Variants in DIP2B observed in about 807,000 individuals in gnomAD.
DIP2B encodes DIP2 acetate--CoA ligase B (putative).
A neutral mutation model predicts 198.0 loss-of-function variants in DIP2B; 76 were observed. The observed-to-expected ratio is 0.38, with a 90% CI of 0.32 to 0.46. DIP2B has a LOEUF of 0.46. DIP2B is among the 20% of genes least tolerant of loss of function. DIP2B has a pLI of 0.99. For synonymous variants in DIP2B, 701 were observed against 739.1 expected (o/e 0.95, Z 0.84); for missense variants, 1,559 against 1,978.4 (o/e 0.79, Z 4.02).
chr12:50,744,221 C>G (rs1043829646), intron 37 of DIP2B, among the ~76,000 whole-genome samples: 2 of 152,046 alleles, frequency 1.3e-5, no homozygotes, highest in Admixed American at 1.3e-4. Context: ...AGGCTGGTCT[C>G]GAACTCCTGA....
chr12:50,647,653 T>C (rs1057214784), intron 3 of DIP2B, among the ~76,000 whole-genome samples: 5 of 152,152 alleles, frequency 3.3e-5, no homozygotes, highest in African/African-American at 1.2e-4. Context: ...GCTTTATGAC[T>C]CAACCCACCT....
chr12:50,580,320 C>T (rs1364578040), intron 1 of DIP2B, among the ~76,000 whole-genome samples: 2 of 148,704 alleles, frequency 1.3e-5, no homozygotes, highest in Admixed American at 1.4e-4. Context: ...TAAAGGGCTC[C>T]AGTTTCCTGG....
chr12:50,674,067 CAAG>C (rs1938901857), intron 5 of DIP2B, among the ~76,000 whole-genome samples: 1 of 152,104 alleles, frequency 6.6e-6, no homozygotes, highest in South Asian at 2.1e-4. Context: ...CTATAACAAT[CAAG>C]AAATGTTCGA....
At chr12:50,730,128 G>A (rs1292992603) in intron 30 of DIP2B, among the ~76,000 whole-genome samples, 1 of 152,066 alleles carries the variant, frequency 6.6e-6, no homozygotes, top group Non-Finnish European at 1.5e-5. Flanking sequence ...AGTTTCAGTG[G>A]CTCGTATCAC....
intron 1 of DIP2B, among the ~76,000 whole-genome samples, chr12:50,578,498 T>G (rs941598911): frequency 4.7e-5 from 7 of 149,316 alleles, no homozygotes; most frequent in African/African-American, 1.7e-4. Flanking sequence ...TAAGATGTTA[T>G]TTGCTCTTTT....
chr12:50,698,117 A>C (rs901946102), intron 17 of DIP2B, among the ~76,000 whole-genome samples: 8 of 152,172 alleles, frequency 5.3e-5, no homozygotes, highest in East Asian at 3.9e-4. Context: ...GCTGGTTTTG[A>C]ACTCCTGGCC....
chr12:50,540,932 G>A (rs1013854474), intron 1 of DIP2B, among the ~76,000 whole-genome samples: 1 of 152,132 alleles, frequency 6.6e-6, no homozygotes, highest in African/African-American at 2.4e-5. Flanking sequence ...CTCAAATGAG[G>A]TAGCGCAGAA....
chr12:50,604,930 G>A (rs186973209), intron 1 of DIP2B, among the ~76,000 whole-genome samples: 234 of 152,244 alleles, frequency 1.5e-3, no homozygotes, highest in Non-Finnish European at 2.7e-3. Flanking sequence ...TTCTCCCAAG[G>A]ATAGTACGTA....
At chr12:50,738,231 T>G (rs1027221170) in intron 35 of DIP2B, among the ~76,000 whole-genome samples, 2 of 151,964 alleles carry the variant, frequency 1.3e-5, no homozygotes, top group African/African-American at 4.8e-5. Flanking sequence ...TCCCAGCTAC[T>G]CAGGAGGCTG....
chr12:50,533,716 C>T (rs1215013814), intron 1 of DIP2B, among the ~76,000 whole-genome samples: 1 of 151,882 alleles, frequency 6.6e-6, no homozygotes, highest in African/African-American at 2.4e-5. Context: ...TCAAGCAATC[C>T]TCCCGCCTCA....
chr12:50,657,223 C>CAAAAAAAAAAAAAAAAA (rs57903571), intron 3 of DIP2B: 2 of 107,048 alleles, frequency 1.9e-5, no homozygotes, highest in Non-Finnish European at 1.9e-5. Context: ...TCTCTATTTA[C>CAAAAAAAAAAAAAAAAA]AAAAAAAAAA....
At position 50,732,527 on chromosome 12, in the gene DIP2B, A is replaced by C; in HGVS notation, c.3972A>C (p.Ile1324=). The change falls in exon 32 of 38, where the codon ATA becomes ATC. Residue 1324 remains isoleucine, a synonymous_variant. Coordinates refer to ENST00000301180, the MANE Select transcript of DIP2B (RefSeq NM_173602.3). Reference sequence around the variant, plus strand: ...TTGGATCAAGAGTCAATGTAGCAATATGTTTACAGGTGACCCTCATGAAAT... The same window carrying C: ...TTGGATCAAGAGTCAATGTAGCAATCTGTTTACAGGTGACCCTCATGAAAT... ...TTFGSRVNVA[I]CLQGTSGPDP... The C allele has an allele frequency of 6.2e-7, 1 of 1,614,156 alleles. No individual in the cohort carries two copies. Among genetic ancestry groups the C allele is most frequent in the South Asian group, 1.1e-5 (1 of 91,084 alleles).
intron 1 of DIP2B, among the ~76,000 whole-genome samples, chr12:50,588,026 G>A (rs1286200502): frequency 6.6e-6 from 1 of 152,100 alleles, no homozygotes; most frequent in African/African-American, 2.4e-5. Context: ...AATACCAATG[G>A]GTGAAAGCAA....
intron 20 of DIP2B, among the ~76,000 whole-genome samples, chr12:50,704,790 T>C (rs1939484371): frequency 6.6e-6 from 1 of 151,990 alleles, no homozygotes; most frequent in Admixed American, 6.6e-5. Flanking sequence ...CATGGCAAAT[T>C]CTGTGTCTAC....
At chr12:50,671,444 G>T (rs762535754) in intron 5 of DIP2B, 46 bp downstream of exon 5, 4 of 1,590,790 alleles carry the variant, frequency 2.5e-6, no homozygotes, top group Non-Finnish European at 3.4e-6. Context: ...ATTCCATTTG[G>T]CTCCCAGTAT....
intron 10 of DIP2B, among the ~76,000 whole-genome samples, chr12:50,685,494 A>G (rs1376448747): frequency 6.6e-6 from 1 of 152,206 alleles, no homozygotes; most frequent in African/African-American, 2.4e-5. Context: ...GAGTGAGGCT[A>G]GGGGAAGATA....
intron 9 of DIP2B, 110 bp from the exon 10 acceptor site, chr12:50,683,028 T>C: frequency 1.1e-6 from 1 of 921,632 alleles, no homozygotes; most frequent in South Asian, 1.9e-5. Flanking sequence ...GGCTGTTAAA[T>C]AGTTTGATTT....
intron 1 of DIP2B, among the ~76,000 whole-genome samples, chr12:50,560,133 C>T (rs1221651890): frequency 3.3e-5 from 5 of 151,864 alleles, no homozygotes; most frequent in Non-Finnish European, 7.4e-5. Flanking sequence ...AAAAAATTAG[C>T]CCTTTAATCC....
chr12:50,656,489 G>A (rs1938556026), intron 3 of DIP2B, among the ~76,000 whole-genome samples: 1 of 152,198 alleles, frequency 6.6e-6, no homozygotes, highest in Admixed American at 6.5e-5. Context: ...AATAATGATA[G>A]TAACAGAATA....
Sources: allele counts gnomAD v4.1 joint callset (sites outside exome capture counted in the v4.1 genomes callset), GRCh38; gene constraint gnomAD v4.1.1; transcripts MANE v1.5; gene names NCBI Gene and HGNC (gene_info 2026-07-23, HGNC 2026-07-21).